CLIP1: variants seen among roughly 807,000 people sequenced by gnomAD.
The protein encoded by CLIP1 is CAP-Gly domain containing linker protein 1.
In CLIP1, 66 loss-of-function variants were observed where a neutral mutation model predicts 161.6. The observed-to-expected ratio is 0.41, with a 90% CI of 0.33 to 0.50. The LOEUF is 0.50. Ranked by LOEUF, CLIP1 falls within the 20% of genes least tolerant of loss-of-function variation. The pLI is 0.27. For synonymous variants in CLIP1, 598 were observed against 626.2 expected (o/e 0.96, Z 0.67); for missense variants, 1,376 against 1,702.0 (o/e 0.81, Z 3.37).
intron 1 of CLIP1, among the ~76,000 whole-genome samples, chr12:122,417,157 TGTGGTG>T (rs1956783311): frequency 6.6e-6 from 1 of 151,568 alleles, no homozygotes; most frequent in Non-Finnish European, 1.5e-5. Flanking sequence ...ATTAGCCAGG[TGTGGTG>T]GCATGTGCCT....
At chr12:122,307,134 G>A (rs780544372) in intron 20 of CLIP1, among the ~76,000 whole-genome samples, 1 of 148,354 alleles carries the variant, frequency 6.7e-6, no homozygotes, top group Non-Finnish European at 1.5e-5. Flanking sequence ...TCAGTATCCC[G>A]AGTAGCTGGG....
At chr12:122,375,255 A>G (rs1292217298) in intron 3 of CLIP1, among the ~76,000 whole-genome samples, 1 of 151,664 alleles carries the variant, frequency 6.6e-6, no homozygotes, top group East Asian at 1.9e-4. Context: ...AACAGTAGCT[A>G]CTGTACATTT....
chr12:122,362,231 C>T (rs559684408), intron 4 of CLIP1, among the ~76,000 whole-genome samples: 13 of 150,718 alleles, frequency 8.6e-5, no homozygotes, highest in South Asian at 2.1e-4. Context: ...GGATTACAGG[C>T]GTGAGCCACC....
At chr12:122,289,476 T>C (rs1956004955) in intron 20 of CLIP1, among the ~76,000 whole-genome samples, 1 of 152,070 alleles carries the variant, frequency 6.6e-6, no homozygotes, top group Admixed American at 6.6e-5. Context: ...TCTAGTTCCT[T>C]TACTTAAACC....
At position 122,311,337 on chromosome 12, in the gene CLIP1, G is replaced by T. The variant is rs1232828701; in HGVS notation, c.3474-1455C>A. 2.6e-5 allele frequency among the ~76,000 whole-genome samples: 4 copies of T among 151,146 alleles called. No homozygotes were observed. Among genetic ancestry groups the T allele is most frequent in the Non-Finnish European group, 5.9e-5 (4 of 67,872 alleles). The stretch of plus-strand genomic sequence containing the variant: ...CCTTCTCTCTCAAGCCCACAGGAAG[G>T]AAAATAAAAACGACACATCAAGGAA... On this transcript the variant is annotated intron_variant, in intron 19 of 25. Coordinates refer to ENST00000620786, the MANE Select transcript of CLIP1 (RefSeq NM_001247997.2). The surrounding 1 kb of genome is among the most constrained non-coding windows in gnomAD (Gnocchi z 4.3).
chr12:122,290,481 T>A (rs1003447563), intron 20 of CLIP1, among the ~76,000 whole-genome samples: 9 of 152,210 alleles, frequency 5.9e-5, no homozygotes, highest in Non-Finnish European at 1.3e-4. Context: ...TTATGCCCTT[T>A]GTACAGTTTA....
chr12:122,353,382 T>C (rs1953146391), intron 7 of CLIP1, among the ~76,000 whole-genome samples: 1 of 152,058 alleles, frequency 6.6e-6, no homozygotes, highest in African/African-American at 2.4e-5. Context: ...ATCCTAGCAT[T>C]TTGTGAAGCT....
At chr12:122,318,768 T>C (rs1350568588) in intron 18 of CLIP1, among the ~76,000 whole-genome samples, 7 of 152,268 alleles carry the variant, frequency 4.6e-5, no homozygotes, top group African/African-American at 1.7e-4. Flanking sequence ...TCAAAATATC[T>C]TGACGCCACA....
intron 1 of CLIP1, among the ~76,000 whole-genome samples, chr12:122,388,313 G>A (rs951410432): frequency 2.0e-5 from 3 of 151,456 alleles, no homozygotes; most frequent in East Asian, 1.9e-4. Flanking sequence ...TCCGCCTCCC[G>A]GGTTCAGGCC....
intron 21 of CLIP1, among the ~76,000 whole-genome samples, chr12:122,284,507 C>T (rs1188192924): frequency 2.6e-5 from 4 of 152,044 alleles, no homozygotes; most frequent in African/African-American, 9.7e-5. Context: ...TGCCCGCCAC[C>T]GTGCCCGGCT....
At chr12:122,338,279 A>G (rs893834232) in intron 11 of CLIP1, among the ~76,000 whole-genome samples, 2 of 152,204 alleles carry the variant, frequency 1.3e-5, no homozygotes, top group Admixed American at 6.5e-5. Flanking sequence ...CGGAGGCTGC[A>G]GTGAGGGTGA....
chr12:122,415,146 G>GT (rs1956693406), intron 1 of CLIP1, among the ~76,000 whole-genome samples: 2 of 152,076 alleles, frequency 1.3e-5, no homozygotes, highest in South Asian at 4.1e-4. Flanking sequence ...CTAAAAACTC[G>GT]TATCTTGGCA....
At chr12:122,344,536 A>G (rs1253461341) in intron 10 of CLIP1, among the ~76,000 whole-genome samples, 1 of 152,224 alleles carries the variant, frequency 6.6e-6, no homozygotes, top group Non-Finnish European at 1.5e-5. Flanking sequence ...TAGTTACAAC[A>G]AAACAGTCAA....
chr12:122,335,865 T>C (rs1952192662), intron 12 of CLIP1, among the ~76,000 whole-genome samples: 1 of 151,476 alleles, frequency 6.6e-6, no homozygotes, highest in African/African-American at 2.4e-5. Flanking sequence ...AGAAGTGTAA[T>C]GAACAGCGAA....
At chr12:122,386,653 C>G (rs1955272484) in intron 1 of CLIP1, among the ~76,000 whole-genome samples, 1 of 152,114 alleles carries the variant, frequency 6.6e-6, no homozygotes, top group African/African-American at 2.4e-5. Flanking sequence ...AAACTACAAT[C>G]TCTCAATTTG....
At chr12:122,293,788 T>TG (rs1950352988) in intron 20 of CLIP1, among the ~76,000 whole-genome samples, 1 of 81,000 alleles carries the variant, frequency 1.2e-5, no homozygotes, top group Admixed American at 1.2e-4. Flanking sequence ...TGAGAATTTG[T>TG]TTTTTTTTTT....
chr12:122,420,200 CCAGGCATGGTGG>C (rs965169864), intron 1 of CLIP1, among the ~76,000 whole-genome samples: 17 of 151,806 alleles, frequency 1.1e-4, no homozygotes, highest in Non-Finnish European at 2.2e-4. Flanking sequence ...AAAAAATTAG[CCAGGCATGGTGG>C]CAGGCACCTA....
chr12:122,362,882 G>GGATTACAA (rs1312992657), intron 4 of CLIP1, among the ~76,000 whole-genome samples: 1 of 151,764 alleles, frequency 6.6e-6, no homozygotes, highest in African/African-American at 2.4e-5. Context: ...AAGGATTACA[G>GGATTACAA]TGTTTTAATA....
At chr12:122,388,977 TC>T (rs1218073371) in intron 1 of CLIP1, among the ~76,000 whole-genome samples, 5 of 152,170 alleles carry the variant, frequency 3.3e-5, no homozygotes, top group Non-Finnish European at 7.4e-5. Flanking sequence ...ACAACTGACT[TC>T]CCCAACACCT....
Sources: gnomAD v4.1 joint callset for allele counts (sites outside exome capture counted in the v4.1 genomes callset) on GRCh38, gnomAD v4.1.1 for gene constraint, Gnocchi (gnomAD v3.1) non-coding constraint, MANE v1.5 for transcripts, NCBI Gene and HGNC (gene_info 2026-07-23, HGNC 2026-07-21) for gene names.